The following MET variants were observed in gnomAD, a reference collection of about 807,000 sequenced individuals.
MET encodes the protein MET proto-oncogene, receptor tyrosine kinase.
In MET, 48 loss-of-function variants were observed where a neutral mutation model predicts 133.1. That is an observed-to-expected ratio of 0.36 (90% CI 0.29 to 0.46). MET has a LOEUF of 0.46. Ranked by LOEUF, MET falls within the 20% of genes least tolerant of loss-of-function variation. The pLI is 1.00. For synonymous variants in MET, 628 were observed against 616.5 expected (o/e 1.02, Z -0.28); for missense variants, 1,442 against 1,695.9 (o/e 0.85, Z 2.63).
At chr7:116,679,289 C>A (rs1318101371) in intron 1 of MET, among the ~76,000 whole-genome samples, 8 of 152,036 alleles carry the variant, frequency 5.3e-5, no homozygotes, top group Admixed American at 5.2e-4. Flanking sequence ...TCTGTCATAC[C>A]TTGGAATAAG....
rs1281050708 is a variant in MET at position 116,672,463 on chromosome 7, G to A, written c.-129G>A. 1 of 397,838 alleles carries A rather than the reference G, an allele frequency of 2.5e-6. No individual in the cohort carries two copies. The highest frequency in any genetic ancestry group is 4.4e-6 in the Non-Finnish European group (1 of 225,668). The allele number at this position is 397,838 out of a possible 1,614,324, so 24.6% of individuals were successfully genotyped here. Reference sequence around the variant, plus strand: ...TGAGCAGATGCGGAGCCGAGTGGAGGGCGCGAGCCAGATGCGGGGCGACAG... The same window carrying A: ...TGAGCAGATGCGGAGCCGAGTGGAGAGCGCGAGCCAGATGCGGGGCGACAG... On this transcript the variant is annotated 5_prime_UTR_variant, in exon 1 of 21. Transcript: ENST00000397752.
At chr7:116,677,971 CTCTCTCTCTCTCTCTG>C (rs1030265438) in intron 1 of MET, among the ~76,000 whole-genome samples, 34 of 90,574 alleles carry the variant, frequency 3.8e-4, no homozygotes, top group East Asian at 6.1e-4. Flanking sequence ...TATTGTCTTT[CTCTCTCTCTCTCTCTG>C]TCTCTCTCTC....
At chr7:116,744,821 A>G (rs1042546144) in intron 5 of MET, among the ~76,000 whole-genome samples, 6 of 152,246 alleles carry the variant, frequency 3.9e-5, no homozygotes, top group Admixed American at 1.3e-4. Flanking sequence ...AGGGAAGCCC[A>G]TCAGACTAAC....
At chr7:116,696,407 T>C (rs1796967971) in intron 1 of MET, among the ~76,000 whole-genome samples, 1 of 152,194 alleles carries the variant, frequency 6.6e-6, no homozygotes, top group East Asian at 1.9e-4. Context: ...TTACTACTTT[T>C]TGCTTGTCTT....
intron 1 of MET, among the ~76,000 whole-genome samples, chr7:116,679,136 T>C (rs963906537): frequency 1.3e-5 from 2 of 152,216 alleles, no homozygotes; most frequent in Non-Finnish European, 2.9e-5. Context: ...TTTTGTAATA[T>C]AAATACAAAG....
intron 2 of MET, among the ~76,000 whole-genome samples, chr7:116,703,099 A>G (rs1007045515): frequency 1.3e-5 from 2 of 152,166 alleles, no homozygotes; most frequent in African/African-American, 4.8e-5. Context: ...ATCTTCACCC[A>G]TAAGCTATTT....
chr7:116,714,690 A>G (rs557296950), intron 2 of MET, among the ~76,000 whole-genome samples: 1 of 151,954 alleles, frequency 6.6e-6, no homozygotes, highest in Non-Finnish European at 1.5e-5. Context: ...ACAAGTGAAA[A>G]CTTATTTTGT....
At chr7:116,732,410 G>T (rs1039616723) in intron 3 of MET, among the ~76,000 whole-genome samples, 3 of 152,230 alleles carry the variant, frequency 2.0e-5, no homozygotes, top group Middle Eastern at 3.4e-3. Context: ...ATTAAGAAAT[G>T]GTTTTAATGG....
intron 18 of MET, among the ~76,000 whole-genome samples, chr7:116,782,563 T>C (rs10243964): frequency 0.031 from 4,709 of 152,314 alleles, 238 homozygotes; most frequent in African/African-American, 0.11. Flanking sequence ...TATTTGTGTC[T>C]GGCTGCCTGG....
intron 1 of MET, among the ~76,000 whole-genome samples, chr7:116,693,428 A>G (rs1562879579): frequency 6.6e-6 from 1 of 152,234 alleles, no homozygotes; most frequent in African/African-American, 2.4e-5. Flanking sequence ...GTCATGAGCC[A>G]GCACACAGCT....
intron 3 of MET, among the ~76,000 whole-genome samples, chr7:116,735,145 C>A (rs1793165724): frequency 6.6e-6 from 1 of 152,126 alleles, no homozygotes; most frequent in Admixed American, 6.5e-5. Context: ...GTGCCTGCTC[C>A]CAATGGCCAC....
chr7:116,674,581 G>A (rs1185405023), intron 1 of MET, among the ~76,000 whole-genome samples: 1 of 152,104 alleles, frequency 6.6e-6, no homozygotes, highest in African/African-American at 2.4e-5. Flanking sequence ...CTCAAATGTG[G>A]TCATCTCAAA....
chr7:116,771,175 C>A (rs1366412643), intron 12 of MET, among the ~76,000 whole-genome samples: 1 of 152,184 alleles, frequency 6.6e-6, no homozygotes, highest in African/African-American at 2.4e-5. Flanking sequence ...ATGGTACATA[C>A]CACACTGTAC....
chr7:116,689,121 G>T (rs1796681935), intron 1 of MET, among the ~76,000 whole-genome samples: 1 of 121,120 alleles, frequency 8.3e-6, no homozygotes, highest in African/African-American at 2.9e-5. Context: ...TCATGTAAAT[G>T]ACAGGCTGCC....
intron 8 of MET, among the ~76,000 whole-genome samples, chr7:116,758,037 T>G (rs1447304750): frequency 6.6e-6 from 1 of 152,186 alleles, no homozygotes; most frequent in Admixed American, 6.5e-5. Context: ...GCTTAGGATC[T>G]TAGCTATACT....
At chr7:116,747,194 T>C (rs946530565) in intron 5 of MET, among the ~76,000 whole-genome samples, 1 of 152,082 alleles carries the variant, frequency 6.6e-6, no homozygotes, top group African/African-American at 2.4e-5. Flanking sequence ...ACATACCAAA[T>C]TGTAAAGACC....
intron 6 of MET, among the ~76,000 whole-genome samples, chr7:116,756,372 A>G (rs898625183): frequency 2.0e-5 from 3 of 152,192 alleles, no homozygotes; most frequent in African/African-American, 7.2e-5. Context: ...TGGTTATTTT[A>G]TATCTAATAG....
intron 8 of MET, among the ~76,000 whole-genome samples, chr7:116,758,186 A>G (rs1276846232): frequency 6.6e-6 from 1 of 152,176 alleles, no homozygotes; most frequent in Non-Finnish European, 1.5e-5. Context: ...TCTGCTTCTT[A>G]GAGTTGGAAG....
intron 11 of MET, among the ~76,000 whole-genome samples, chr7:116,764,629 A>G (rs556734218): frequency 6.6e-6 from 1 of 152,274 alleles, no homozygotes; most frequent in South Asian, 2.1e-4. Flanking sequence ...TTCTCTTTCC[A>G]TAAATTAAAT....
Sources: allele counts gnomAD v4.1 joint callset (sites outside exome capture counted in the v4.1 genomes callset), GRCh38; gene constraint gnomAD v4.1.1; transcripts MANE v1.5; gene names NCBI Gene and HGNC (gene_info 2026-07-23, HGNC 2026-07-21).